The following SPATA17 variants were observed in gnomAD, a reference collection of about 807,000 sequenced individuals.
The protein encoded by SPATA17 is spermatogenesis-associated protein 17.
A neutral mutation model predicts 62.2 loss-of-function variants in SPATA17; 53 were observed. The observed-to-expected ratio is 0.85, with a 90% CI of 0.68 to 1.07. The LOEUF is 1.07. Ranked by LOEUF, SPATA17 falls within the 50% of genes least tolerant of loss-of-function variation. The pLI, the probability that SPATA17 is intolerant of heterozygous loss-of-function variation, is 0.00. For missense variants in SPATA17, 466 were observed against 425.5 expected (o/e 1.10, Z -0.84); for synonymous variants, 146 against 146.8 (o/e 0.99, Z 0.04).
At chr1:217,811,025 CTTTATTTA>C (rs554289972) in intron 9 of SPATA17, among the ~76,000 whole-genome samples, 2 of 151,820 alleles carry the variant, frequency 1.3e-5, no homozygotes, top group South Asian at 2.1e-4. Flanking sequence ...TGTAGGTATT[CTTTATTTA>C]TTTATTTATT....
rs139017619 is a variant in SPATA17, at chr1:217,698,158, G to C, written c.395+14797G>C. Among the ~76,000 whole-genome samples, 472 of 152,080 alleles carry C rather than the reference G, an allele frequency of 3.1e-3. 5 individuals are homozygous for C. The highest frequency in any genetic ancestry group is 0.01 in the African/African-American group (434 of 41,510). Reference sequence around the variant, plus strand: ...ATTTTTGTAAAAGTACAAAAATCAGGCTGGGCACAGTGGCTCACACCTGTA... The same window carrying C: ...ATTTTTGTAAAAGTACAAAAATCAGCCTGGGCACAGTGGCTCACACCTGTA... On this transcript the variant is annotated intron_variant, in intron 5 of 10. Transcript: ENST00000366933.
intron 8 of SPATA17, among the ~76,000 whole-genome samples, chr1:217,797,235 TTTTC>T (rs200211154): frequency 4.1e-5 from 6 of 144,600 alleles, no homozygotes; most frequent in Non-Finnish European, 6.0e-5. Flanking sequence ...AAATTTACTA[TTTTC>T]TTTCTTTCTT....
intron 5 of SPATA17, among the ~76,000 whole-genome samples, chr1:217,693,226 GT>G (rs1289833392): frequency 1.3e-5 from 2 of 149,550 alleles, no homozygotes; most frequent in Non-Finnish European, 3.0e-5. Context: ...TTGGGAGAGT[GT>G]ATGTGTCGAG....
chr1:217,639,421 A>G (rs144517744), intron 1 of SPATA17, among the ~76,000 whole-genome samples: 263 of 152,252 alleles, frequency 1.7e-3, no homozygotes, highest in African/African-American at 5.8e-3. Flanking sequence ...ACCTGACGAA[A>G]TGTACTCAAG....
At position 217,715,218 on chromosome 1, in the gene SPATA17, A is replaced by T. The variant is rs17674438; in HGVS notation, c.396-26757A>T. Among the ~76,000 whole-genome samples, 964 of 152,322 alleles carry T rather than the reference A, an allele frequency of 6.3e-3. 12 individuals are homozygous for T. Among genetic ancestry groups the T allele is most frequent in the South Asian group, 0.026 (125 of 4,830 alleles). ...AGTTAAAAGGCTATCATCAAATTTTAAAAAATCTTCACCGTATTAACAGAT... is the reference window on the plus strand; with the variant it reads ...AGTTAAAAGGCTATCATCAAATTTTTAAAAATCTTCACCGTATTAACAGAT... On this transcript the variant is annotated intron_variant, in intron 5 of 10. Transcript: ENST00000366933.
intron 5 of SPATA17, among the ~76,000 whole-genome samples, chr1:217,727,687 G>A: frequency 6.6e-6 from 1 of 152,070 alleles, no homozygotes; most frequent in Admixed American, 6.6e-5. Flanking sequence ...GGATAATTAA[G>A]CAAACATTTT....
intron 5 of SPATA17, among the ~76,000 whole-genome samples, chr1:217,690,710 A>G (rs1406456796): frequency 2.6e-5 from 3 of 114,080 alleles, no homozygotes; most frequent in African/African-American, 6.9e-5. Flanking sequence ...TCATTGTTCA[A>G]TTCCCACCTA....
chr1:217,795,831 G>A (rs562265113), intron 8 of SPATA17, among the ~76,000 whole-genome samples: 2 of 150,724 alleles, frequency 1.3e-5, no homozygotes, highest in African/African-American at 2.4e-5. Flanking sequence ...CAGGGTCTCA[G>A]TCTGTCACCC....
chr1:217,816,474 C>T (rs1322208405), intron 9 of SPATA17, among the ~76,000 whole-genome samples: 1 of 151,566 alleles, frequency 6.6e-6, no homozygotes, highest in South Asian at 2.1e-4. Context: ...TATATTCAAC[C>T]TTCTATCTTT....
chr1:217,663,858 C>G (rs1465155447), intron 3 of SPATA17, among the ~76,000 whole-genome samples: 3 of 151,976 alleles, frequency 2.0e-5, no homozygotes, highest in Non-Finnish European at 4.4e-5. Context: ...AACCAAAATG[C>G]TCAACAATAA....
chr1:217,719,422 A>T (rs376731550), intron 5 of SPATA17, among the ~76,000 whole-genome samples: 6 of 152,308 alleles, frequency 3.9e-5, no homozygotes, highest in African/African-American at 1.4e-4. Context: ...TTTAGTTGAC[A>T]GATAATTAAG....
At chr1:217,792,046 C>T (rs958636638) in intron 8 of SPATA17, among the ~76,000 whole-genome samples, 2 of 152,110 alleles carry the variant, frequency 1.3e-5, no homozygotes, top group African/African-American at 2.4e-5. Flanking sequence ...ACATAAAATA[C>T]ACTAATGATA....
At chr1:217,859,103 A>C (rs1458032887) in intron 9 of SPATA17, among the ~76,000 whole-genome samples, 1 of 147,130 alleles carries the variant, frequency 6.8e-6, no homozygotes, top group African/African-American at 2.5e-5. Context: ...ATATAGAGAG[A>C]AATGTTTATA....
At chr1:217,778,933 C>T (rs978846832) in intron 7 of SPATA17, among the ~76,000 whole-genome samples, 1 of 152,092 alleles carries the variant, frequency 6.6e-6, no homozygotes, top group Non-Finnish European at 1.5e-5. Flanking sequence ...TCCTCCATAC[C>T]ATTCTATGTA....
chr1:217,681,798 G>A lies in SPATA17; in HGVS notation c.292-1460G>A, dbSNP rs150901280. Among the ~76,000 whole-genome samples, 701 of 151,848 alleles carry A rather than the reference G, an allele frequency of 4.6e-3. 4 individuals are homozygous for A. Among genetic ancestry groups the A allele is most frequent in the African/African-American group, 0.016 (644 of 41,398 alleles). On this transcript the variant is annotated intron_variant, in intron 4 of 10. Transcript: ENST00000366933. ...CAGAATTTAAGTAAAGAATTTTTCC[G>A]GTTAATTTTTTATTGATCCAATATT...
At chr1:217,681,718 A>G (rs1671089533) in intron 4 of SPATA17, among the ~76,000 whole-genome samples, 1 of 152,180 alleles carries the variant, frequency 6.6e-6, no homozygotes, top group Admixed American at 6.5e-5. Context: ...CTTAAATTGT[A>G]AATGATTATA....
intron 6 of SPATA17, among the ~76,000 whole-genome samples, chr1:217,760,546 G>A (rs1056587348): frequency 1.3e-5 from 2 of 152,090 alleles, no homozygotes; most frequent in African/African-American, 4.8e-5. Flanking sequence ...GTCAGATAAG[G>A]GCAATATAGC....
chr1:217,801,612 T>A, intron 8 of SPATA17, 106 bp from the exon 9 acceptor site: 1 of 846,270 alleles, frequency 1.2e-6, no homozygotes, highest in South Asian at 2.9e-5. Context: ...TGATTCTAAA[T>A]CTTGTATCAT....
At chr1:217,720,101 AAC>A (rs1191536126) in intron 5 of SPATA17, among the ~76,000 whole-genome samples, 1 of 152,228 alleles carries the variant, frequency 6.6e-6, no homozygotes, top group African/African-American at 2.4e-5. Flanking sequence ...GGGAAGGGGT[AAC>A]ACTTTCCCCA....
Sources: allele counts gnomAD v4.1 joint callset (sites outside exome capture counted in the v4.1 genomes callset), GRCh38; gene constraint gnomAD v4.1.1; transcripts MANE v1.5; gene names NCBI Gene and HGNC (gene_info 2026-07-23, HGNC 2026-07-21).